Variants in BOD1L1 observed in about 807,000 individuals in gnomAD.
BOD1L1 encodes biorientation of chromosomes in cell division protein 1-like 1.
BOD1L1 carries 86 observed loss-of-function variants against 240.7 expected under a neutral mutation model. The ratio of observed to expected loss-of-function variants is 0.36; its 90% CI spans 0.30 to 0.43. The LOEUF (loss-of-function observed/expected upper bound fraction) is 0.43, where lower values mean the gene tolerates loss of function less well. Among genes scored for constraint, BOD1L1 ranks in the 20% least tolerant of loss-of-function variants. The probability of loss-of-function intolerance (pLI) is 1.00; values close to 1 mark genes in which losing one functional copy is unlikely to be tolerated. For synonymous variants in BOD1L1, 1,268 were observed against 1,272.3 expected (o/e 1.00, Z 0.07); for missense variants, 3,554 against 3,643.5 (o/e 0.98, Z 0.63).
intron 1 of BOD1L1, among the ~76,000 whole-genome samples, chr4:13,620,633 G>C (rs1178162533): frequency 2.0e-5 from 3 of 152,150 alleles, no homozygotes; most frequent in Non-Finnish European, 4.4e-5. Flanking sequence ...TACAAGTTTG[G>C]AATTACAGGG....
Position 13,603,109 on chromosome 4 carries a change from T to A in BOD1L1, c.3791A>T (p.His1264Leu). 1.2e-6 allele frequency: 2 copies of A among 1,613,996 alleles called. No individual in the cohort carries two copies. Among genetic ancestry groups the A allele is most frequent in the Admixed American group, 1.7e-5 (1 of 60,028 alleles). The change falls in exon 10 of 26, where the codon CAT (histidine) becomes CTT (leucine). Residue 1264 changes from histidine (H) to leucine (L), a missense_variant. Coordinates refer to ENST00000040738, the MANE Select transcript of BOD1L1 (RefSeq NM_148894.3). The stretch of plus-strand genomic sequence containing the variant: ...AAGAGTGGCATCTCCTTGAGCAACA[T>A]GTTCTTCAGCAGCTGTGTTTTTCAA... ...KNLKNTAAEEHVAQGDATLEH... is the reference protein window; with the variant it reads ...KNLKNTAAEELVAQGDATLEH...
chr4:13,580,215 C>G, intron 21 of BOD1L1: 1 of 527,706 alleles, frequency 1.9e-6, no homozygotes, highest in Non-Finnish European at 3.4e-6. Flanking sequence ...TGAGGCAATG[C>G]AGCATGGCCA....
chr4:13,614,233 G>A lies in BOD1L1; in HGVS notation c.1137C>T (p.Asn379=), dbSNP rs1426525089. Residue 379 remains asparagine, a synonymous_variant, in exon 4 of 26, where the codon AAC becomes AAT. Transcript: ENST00000040738. The part of the protein sequence containing the change: ...VESLKLPSEK[N]SNKAKTVEGT... ...CTTCAACAGTTTTAGCTTTATTACT[G>A]TTCTTTTCTGAAGGAAGTTTTAAAC... 3 of 1,530,244 alleles carry A rather than the reference G, an allele frequency of 2.0e-6. No homozygotes were observed. The highest frequency in any genetic ancestry group is 2.6e-6 in the Non-Finnish European group (3 of 1,141,342). 94.8% of individuals were successfully genotyped at this position (1,530,244 alleles called of 1,614,324 possible). A position where few individuals can be genotyped will look rare whatever the true frequency, so the allele number is the denominator to read the frequency against.
intron 7 of BOD1L1, 112 bp from the exon 8 acceptor site, chr4:13,608,780 T>C: frequency 2.4e-6 from 2 of 828,286 alleles, no homozygotes; most frequent in Non-Finnish European, 3.4e-6. Flanking sequence ...ATGGCTTTAA[T>C]ATTCTTAAGT....
In BOD1L1 at chr4:13,568,943, G is replaced by A. The variant is rs1198246676; in HGVS notation, c.*1068C>T. ...GGCAACTCATCACATCATTGCAAGAGACAAATTTGATCGTAAGAAGTTTAA... is the reference window on the plus strand; with the variant it reads ...GGCAACTCATCACATCATTGCAAGAAACAAATTTGATCGTAAGAAGTTTAA... On this transcript the variant is annotated 3_prime_UTR_variant, in exon 26 of 26. Transcript: ENST00000040738. 3.9e-5 allele frequency: 6 copies of A among 151,912 alleles called. No homozygotes were observed. Among genetic ancestry groups the A allele is most frequent in the Non-Finnish European group, 7.4e-5 (5 of 67,992 alleles). The allele number at this position is 151,912 out of a possible 1,614,324, so 9.4% of individuals were successfully genotyped here.
Position 13,590,524 on chromosome 4 carries a change from A to G in BOD1L1, c.8149-78T>C, listed in dbSNP as rs995890917. On this transcript the variant is annotated intron_variant, in intron 13 of 25. Coordinates refer to ENST00000040738, the MANE Select transcript of BOD1L1 (RefSeq NM_148894.3). The stretch of plus-strand genomic sequence containing the variant: ...GCAAAAAGAAAGAAGAGAGAAGGTA[A>G]TTTACATAACCTGGCTATTTGTACA... 3 of 675,536 alleles carry G rather than the reference A, an allele frequency of 4.4e-6. No individual in the cohort carries two copies. The African/African-American group carries it at 5.7e-5, about 13-fold the overall frequency. The allele number at this position is 675,536 out of a possible 1,614,324, so 41.8% of individuals were successfully genotyped here.
chr4:13,571,032 T>G (rs1009685773), intron 25 of BOD1L1, among the ~76,000 whole-genome samples: 1 of 152,230 alleles, frequency 6.6e-6, no homozygotes, highest in Admixed American at 6.5e-5. Flanking sequence ...ATATCACATC[T>G]ATTAAATTTG....
At chr4:13,583,743 A>G (rs1713418437) in intron 17 of BOD1L1, among the ~76,000 whole-genome samples, 2 of 152,210 alleles carry the variant, frequency 1.3e-5, no homozygotes, top group African/African-American at 4.8e-5. Context: ...TACAAATATT[A>G]TCTTTGTCTT....
Position 13,594,705 on chromosome 4 carries a change from G to A in BOD1L1, c.8104+1155C>T, listed in dbSNP as rs528740367. Reference sequence around the variant, plus strand: ...AGGTCAGGAGATCGAGACCATCCTGGCCAATATGGTGAAACCCCATCTCTA... The same window carrying A: ...AGGTCAGGAGATCGAGACCATCCTGACCAATATGGTGAAACCCCATCTCTA... On this transcript the variant is annotated intron_variant, in intron 12 of 25. Transcript: ENST00000040738. Among the ~76,000 whole-genome samples the A allele has an allele frequency of 5.0e-3, 765 of 152,238 alleles. 1 individual carries two copies. Among genetic ancestry groups the A allele is most frequent in the Non-Finnish European group, 8.6e-3 (588 of 68,024 alleles).
intron 14 of BOD1L1, among the ~76,000 whole-genome samples, chr4:13,589,664 G>A (rs1714032493): frequency 6.6e-6 from 1 of 152,142 alleles, no homozygotes; most frequent in African/African-American, 2.4e-5. Context: ...GATTGGGATT[G>A]GGAAGGGGTA....
intron 2 of BOD1L1, 97 bp downstream of exon 2, chr4:13,619,846 T>A (rs1320649884): frequency 7.1e-7 from 1 of 1,412,894 alleles, no homozygotes; most frequent in East Asian, 2.4e-5. Context: ...ATTGTCAACA[T>A]CATTAGGTGA....
At chr4:13,577,554 A>C in intron 23 of BOD1L1, 28 bp downstream of exon 23, 1 of 1,587,008 alleles carries the variant, frequency 6.3e-7, no homozygotes, top group Non-Finnish European at 8.6e-7. Flanking sequence ...TCTAAACAAC[A>C]TATCTTGATA....
chr4:13,580,002 A>T (rs749650877), intron 21 of BOD1L1, 29 bp from the exon 22 acceptor site: 40 of 1,481,844 alleles, frequency 2.7e-5, no homozygotes, highest in Non-Finnish European at 3.5e-5. Context: ...ACAAAAAAAA[A>T]TTTTAAATCA....
rs1195049431 is a variant in BOD1L1, at chr4:13,600,356, G to C, written c.6544C>G (p.Pro2182Ala). 1 of 1,613,982 alleles carries C rather than the reference G, an allele frequency of 6.2e-7. No individual in the cohort carries two copies. The highest frequency in any genetic ancestry group is 8.5e-7 in the Non-Finnish European group (1 of 1,179,900). Reference protein sequence around the residue: ...AAAVEERATGPVLISTADFEG... With the variant: ...AAAVEERATGAVLISTADFEG... ...AAGTCGGCGGTGCTTATCAAGACTG[G>C]ACCTGTAGCCCTTTCTTCCACTGCT... is the stretch of plus-strand genomic sequence containing the variant. Residue 2182 changes from proline (P) to alanine (A), a missense_variant, in exon 10 of 26, where the codon CCA (proline) becomes GCA (alanine). Around this residue, in one of 2 missense-constraint regions of BOD1L1, gnomAD observed 3,393 missense variants for 3,427.1 expected, o/e 0.99. Coordinates refer to ENST00000040738, the MANE Select transcript of BOD1L1 (RefSeq NM_148894.3).
chr4:13,626,809 A>G (rs1717427724), intron 1 of BOD1L1, among the ~76,000 whole-genome samples: 1 of 152,150 alleles, frequency 6.6e-6, no homozygotes. Flanking sequence ...ACATGGCCTA[A>G]GTTACCTAAA....
chr4:13,618,334 G>T (rs781248576), intron 2 of BOD1L1, among the ~76,000 whole-genome samples: 2 of 152,206 alleles, frequency 1.3e-5, no homozygotes, highest in African/African-American at 2.4e-5. Flanking sequence ...ATCACTGAAT[G>T]AAAGTAATCA....
intron 17 of BOD1L1, among the ~76,000 whole-genome samples, chr4:13,584,019 G>C (rs191091294): frequency 1.3e-5 from 2 of 152,306 alleles, no homozygotes; most frequent in African/African-American, 4.8e-5. Flanking sequence ...TAATGTGCAA[G>C]ACTAACAGGT....
At position 13,604,980 on chromosome 4, in the gene BOD1L1, T is replaced by G. The variant is rs776039568; in HGVS notation, c.1920A>C (p.Val640=). The stretch of plus-strand genomic sequence containing the variant: ...TGGATTCATTTTTGTTTTCGTCAAC[T>G]ACATGCAAAGACTCTGAAAGTCTCC... ...PARRLSESLH[V]VDENKNESKL... is the part of the protein sequence containing the mutation. The change falls in exon 10 of 26, where the codon GTA becomes GTC. Residue 640 remains valine (V), a synonymous_variant. Transcript: ENST00000040738. 2 of 1,613,540 alleles carry G rather than the reference T, an allele frequency of 1.2e-6. No homozygotes were observed. The highest frequency in any genetic ancestry group is 2.7e-5 in the African/African-American group (2 of 74,928).
Position 13,601,576 on chromosome 4 carries a change from T to G in BOD1L1, c.5324A>C (p.Gln1775Pro), listed in dbSNP as rs61995954. 9,239 of 1,614,022 alleles carry G rather than the reference T, an allele frequency of 5.7e-3. 58 individuals are homozygous for G. The highest frequency in any genetic ancestry group is 5.1e-3 in the Non-Finnish European group (6,020 of 1,179,892). ...NDAPPGTSAS[Q>P]EGDGSVNDGT... ...ATCATTCACAGAACCATCTCCTTCT[T>G]GGCTGGCACTTGTTCCTGGTGGTGC... Residue 1775 changes from glutamine (Q) to proline (P), a missense_variant, in exon 10 of 26, where the codon CAA (glutamine) becomes CCA (proline). Gln to Pro is a moderately conservative substitution (Grantham distance 76, BLOSUM62 -1). Coordinates refer to ENST00000040738, the MANE Select transcript of BOD1L1 (RefSeq NM_148894.3).
Sources: gnomAD v4.1 joint callset for allele counts (sites outside exome capture counted in the v4.1 genomes callset) on GRCh38, gnomAD v4.1.1 for gene constraint, gnomAD v4.1.1 regional missense constraint, MANE v1.5 for transcripts, NCBI Gene and HGNC (gene_info 2026-07-23, HGNC 2026-07-21) for gene names.